The following CRYGB variants were observed in gnomAD, a reference collection of about 807,000 sequenced individuals.
The protein encoded by CRYGB is crystallin gamma B, also known as gamma-crystallin B.
A neutral mutation model predicts 21.3 loss-of-function variants in CRYGB; 19 were observed. That is an observed-to-expected ratio of 0.89 (90% CI 0.62 to 1.31). CRYGB has a LOEUF of 1.31. Ranked by LOEUF, CRYGB falls within the 50% of genes most tolerant of loss-of-function variation. The pLI, the probability that CRYGB is intolerant of heterozygous loss-of-function variation, is 0.00. For missense variants in CRYGB, 254 were observed against 228.4 expected, an observed-to-expected ratio of 1.11 and a Z score of -0.72; for synonymous variants, 81 against 81.2, an observed-to-expected ratio of 1.00 and a Z score of 0.01.
Position 208,145,915 on chromosome 2 carries a change from C to G in CRYGB, c.111G>C (p.Arg37Ser), listed in dbSNP as rs139609998. Reference sequence around the variant, plus strand: ...AGATCATCCAGCAGCCGCTCTCCACCCTGATGGAGTTGCAGCGGCTGAAAT... The same window carrying G: ...AGATCATCCAGCAGCCGCTCTCCACGCTGATGGAGTTGCAGCGGCTGAAAT... The part of the protein sequence containing the change: ...QPYFSRCNSI[R>S]VESGCWMIYE... Residue 37 changes from arginine to serine, a missense_variant, in exon 2 of 3, where the codon AGG (arginine) becomes AGC (serine). By Grantham distance (110) the Arg-to-Ser change is moderately radical (BLOSUM62 -1). Transcript: ENST00000260988. 5.6e-6 allele frequency: 9 copies of G among 1,614,080 alleles called. No individual in the cohort carries two copies. Among genetic ancestry groups the G allele is most frequent in the Non-Finnish European group, 7.6e-6 (9 of 1,180,018 alleles).
intron 2 of CRYGB, among the ~76,000 whole-genome samples, chr2:208,143,588 C>T (rs1321560035): frequency 6.6e-6 from 1 of 152,148 alleles, no homozygotes; most frequent in Non-Finnish European, 1.5e-5. Context: ...CTGCAACCTC[C>T]ACCTTCTGGG....
rs1695372865 is a variant in CRYGB at position 208,142,644 on chromosome 2, C to T, written c.522G>A (p.Leu174=). Reference sequence around the variant, plus strand: ...AGTGGAAAACGTAAATACTTCAGTACAAATCCATGACTCGTCTAAGAGAGC... The same window carrying T: ...AGTGGAAAACGTAAATACTTCAGTATAAATCCATGACTCGTCTAAGAGAGC... The part of the protein sequence containing the change: ...KVGSLRRVMD[L]Y The change falls in exon 3 of 3, where the codon TTG becomes TTA. Residue 174 remains leucine (L), a synonymous_variant. Coordinates refer to ENST00000260988, the MANE Select transcript of CRYGB (RefSeq NM_005210.4). 6.6e-7 allele frequency: 1 copy of T among 1,525,006 alleles called. No individual in the cohort carries two copies. Among genetic ancestry groups the T allele is most frequent in the Non-Finnish European group, 8.8e-7 (1 of 1,141,026 alleles). The allele number at this position is 1,525,006 out of a possible 1,614,324, so 94.5% of individuals were successfully genotyped here. A position where few individuals can be genotyped will look rare whatever the true frequency, so the allele number is the denominator to read the frequency against.
At position 208,145,814 on chromosome 2, in the gene CRYGB, C is replaced by T. The variant is rs768886863; in HGVS notation, c.212G>A (p.Gly71Asp). ...GEYPDYQQWMGLSDSIRSCCL... is the reference protein window; with the variant it reads ...GEYPDYQQWMDLSDSIRSCCL... ...GCAGGAGCGGATGGAGTCGCTGAGG[C>T]CCATCCATTGCTGGTAGTCAGGGTA... The change falls in exon 2 of 3, where the codon GGC becomes GAC. Residue 71 changes from glycine (G) to aspartate (D), a missense_variant. Gly to Asp is a moderately conservative substitution (Grantham distance 94, BLOSUM62 -1). Coordinates refer to ENST00000260988, the MANE Select transcript of CRYGB (RefSeq NM_005210.4). 4 of 1,613,736 alleles carry T rather than the reference C, an allele frequency of 2.5e-6. No individual in the cohort carries two copies. Among genetic ancestry groups the T allele is most frequent in the Admixed American group, 3.3e-5 (2 of 59,992 alleles).
In CRYGB at chr2:208,142,781, C is replaced by G. The variant is rs774101407; in HGVS notation, c.385G>C (p.Glu129Gln). The G allele has an allele frequency of 1.9e-6, 3 of 1,614,126 alleles. No homozygotes were observed. In the South Asian group the frequency reaches 3.3e-5, roughly 18 times the overall value. ...LTEIHSLNVL[E>Q]GSWILYEMPN... ...ATCTCATAGAGGATCCAGCTGCCCTCCAGCACATTGAGGGAGTGAATTTCA... is the reference window on the plus strand; with the variant it reads ...ATCTCATAGAGGATCCAGCTGCCCTGCAGCACATTGAGGGAGTGAATTTCA... Residue 129 changes from glutamate (E) to glutamine (Q), a missense_variant, in exon 3 of 3, where the codon GAG becomes CAG. By Grantham distance (29) the Glu-to-Gln change is conservative. Transcript: ENST00000260988.
chr2:208,145,224 T>TTAG (rs371597576), intron 2 of CRYGB, among the ~76,000 whole-genome samples: 1 of 149,786 alleles, frequency 6.7e-6, no homozygotes, highest in Non-Finnish European at 1.5e-5. Flanking sequence ...CAAGCAAAAG[T>TTAG]TTGTTGTTGT....
Position 208,143,394 on chromosome 2 carries a change from G to T in CRYGB, c.253-481C>A, listed in dbSNP as rs547082303. Among the ~76,000 whole-genome samples, 8 of 152,200 alleles carry T rather than the reference G, an allele frequency of 5.3e-5. No homozygotes were observed. The South Asian group carries it at 6.2e-4, about 12-fold the overall frequency. ...ACCTGAGACAAATGCATCTCTGATT[G>T]CTTCCTCTCCCCTATTGTTTATGTA... On this transcript the variant is annotated intron_variant, in intron 2 of 2. Transcript: ENST00000260988.
At position 208,142,629 on chromosome 2, in the gene CRYGB, G is replaced by A. The variant is rs1339527589; in HGVS notation, c.*9C>T. 2.7e-6 allele frequency: 4 copies of A among 1,465,270 alleles called. No homozygotes were observed. The highest frequency in any genetic ancestry group is 2.4e-5 in the East Asian group (1 of 41,474). 90.8% of individuals were successfully genotyped at this position (1,465,270 alleles called of 1,614,324 possible). On this transcript the variant is annotated 3_prime_UTR_variant, in exon 3 of 3. Coordinates refer to ENST00000260988, the MANE Select transcript of CRYGB (RefSeq NM_005210.4). Reference sequence around the variant, plus strand: ...ATTTTAAAGGAGAAAAGTGGAAAACGTAAATACTTCAGTACAAATCCATGA... The same window carrying A: ...ATTTTAAAGGAGAAAAGTGGAAAACATAAATACTTCAGTACAAATCCATGA...
Position 208,142,988 on chromosome 2 carries a change from T to G in CRYGB, c.253-75A>C. The stretch of plus-strand genomic sequence containing the variant: ...AAATTAAAGCTCCAGTCCCTACACC[T>G]CCCTGGCCACACCTGCCCAGAAGTT... On this transcript the variant is annotated intron_variant, in intron 2 of 2. Transcript: ENST00000260988. 2.0e-6 allele frequency: 3 copies of G among 1,477,510 alleles called. No homozygotes were observed. In the Admixed American group the frequency reaches 6.7e-5, roughly 33 times the overall value. 91.5% of individuals were successfully genotyped at this position (1,477,510 alleles called of 1,614,324 possible).
Position 208,142,658 on chromosome 2 carries a change from GTCTAAGAGAGCCAAC to G in CRYGB, c.493_507del (p.Val165_Arg169del). 2 of 1,562,802 alleles carry G rather than the reference GTCTAAGAGAGCCAAC, an allele frequency of 1.3e-6. No individual in the cohort carries two copies. The highest frequency in any genetic ancestry group is 1.7e-6 in the Non-Finnish European group (2 of 1,159,504). Reference sequence around the variant, plus strand: ...ATACTTCAGTACAAATCCATGACTCGTCTAAGAGAGCCAACTTTGGCATTTGGAGCCCCCCAATCA... The same window carrying G: ...ATACTTCAGTACAAATCCATGACTCGTTTGGCATTTGGAGCCCCCCAATCA... On this transcript the variant is annotated inframe_deletion, in exon 3 of 3. Coordinates refer to ENST00000260988, the MANE Select transcript of CRYGB (RefSeq NM_005210.4).
At chr2:208,145,076 T>A (rs573948799) in intron 2 of CRYGB, among the ~76,000 whole-genome samples, 5 of 152,270 alleles carry the variant, frequency 3.3e-5, no homozygotes, top group African/African-American at 1.2e-4. Context: ...TCTCAAACTT[T>A]AGTTTCAGAT....
chr2:208,144,587 CTTTTCTTTTTT>C (rs1695421693), intron 2 of CRYGB, among the ~76,000 whole-genome samples: 2 of 148,840 alleles, frequency 1.3e-5, no homozygotes, highest in Non-Finnish European at 3.0e-5. Flanking sequence ...GTTCAAATTT[CTTTTCTTTTTT>C]TTTTTTTTTT....
chr2:208,144,026 T>TTTG (rs1221724072), intron 2 of CRYGB, among the ~76,000 whole-genome samples: 6 of 150,474 alleles, frequency 4.0e-5, no homozygotes, highest in Admixed American at 2.6e-4. Context: ...TTCTGGGTTT[T>TTTG]TTTTTTTTTT....
Position 208,143,008 on chromosome 2 carries a change from G to C in CRYGB, c.253-95C>G, listed in dbSNP as rs887920397. 7.9e-6 allele frequency: 11 copies of C among 1,387,382 alleles called. No homozygotes were observed. In the African/African-American group the frequency reaches 1.4e-4, roughly 18 times the overall value. 85.9% of individuals were successfully genotyped at this position (1,387,382 alleles called of 1,614,324 possible). On this transcript the variant is annotated intron_variant, in intron 2 of 2. Coordinates refer to ENST00000260988, the MANE Select transcript of CRYGB (RefSeq NM_005210.4). ...ACACCTCCCTGGCCACACCTGCCCA[G>C]AAGTTCTCCCAGGCCAAGTTTGCTT... is the stretch of plus-strand genomic sequence containing the variant.
chr2:208,144,215 A>G (rs993737586), intron 2 of CRYGB, among the ~76,000 whole-genome samples: 19 of 151,504 alleles, frequency 1.3e-4, no homozygotes, highest in African/African-American at 4.6e-4. Flanking sequence ...AGGTTTCTCC[A>G]TGTTGGTCAG....
intron 2 of CRYGB, among the ~76,000 whole-genome samples, chr2:208,143,847 G>A (rs1695404358): frequency 6.6e-6 from 1 of 151,960 alleles, no homozygotes; most frequent in South Asian, 2.1e-4. Context: ...CCTACTTCCT[G>A]TCTTACCAGA....
chr2:208,144,387 G>GCACAAA (rs1553589791), intron 2 of CRYGB, among the ~76,000 whole-genome samples: 2 of 150,136 alleles, frequency 1.3e-5, no homozygotes, highest in African/African-American at 4.9e-5. Context: ...ATATGCGCAC[G>GCACAAA]CACACACACA....
At chr2:208,145,150 A>G (rs1695433979) in intron 2 of CRYGB, among the ~76,000 whole-genome samples, 1 of 152,234 alleles carries the variant, frequency 6.6e-6, no homozygotes, top group African/African-American at 2.4e-5. Context: ...AAATTAGAAT[A>G]GAAATCAGAA....
chr2:208,145,770 T>A lies in CRYGB; in HGVS notation c.252+4A>T, dbSNP rs370022019. 2 of 1,555,352 alleles carry A rather than the reference T, an allele frequency of 1.3e-6. No individual in the cohort carries two copies. The highest frequency in any genetic ancestry group is 2.8e-5 in the African/African-American group (2 of 71,658). On this transcript the variant is annotated splice_donor_region_variant and intron_variant, in intron 2 of 2. Transcript: ENST00000260988. ...ATGGAAGGCAAAGACAGAGCCACAC[T>A]CACCGGGGGGATGAGGCAGCAGGAG...
At position 208,142,883 on chromosome 2, in the gene CRYGB, C is replaced by T. The variant is rs772366824; in HGVS notation, c.283G>A (p.Asp95Asn). The T allele has an allele frequency of 4.2e-5, 67 of 1,610,268 alleles. No individual in the cohort carries two copies. The highest frequency in any genetic ancestry group is 5.5e-5 in the Non-Finnish European group (65 of 1,178,356). ...ATTTGTCCCCTCAATTCATCTCTGT[C>T]GTAGATCTTCATTCTGTAAGCGCCA... ...HSGAYRMKIYDRDELRGQMSE... is the reference protein window; with the variant it reads ...HSGAYRMKIYNRDELRGQMSE... The change falls in exon 3 of 3, where the codon GAC becomes AAC. Residue 95 changes from aspartate (D) to asparagine (N), a missense_variant. Asp to Asn is a conservative substitution (Grantham distance 23). Coordinates refer to ENST00000260988, the MANE Select transcript of CRYGB (RefSeq NM_005210.4).
Sources: gnomAD v4.1 joint callset for allele counts (sites outside exome capture counted in the v4.1 genomes callset) on GRCh38, gnomAD v4.1.1 for gene constraint, MANE v1.5 for transcripts, NCBI Gene and HGNC (gene_info 2026-07-23, HGNC 2026-07-21) for gene names.